The following RNF170 variants were observed in gnomAD, a reference collection of about 807,000 sequenced individuals.
RNF170 encodes E3 ubiquitin-protein ligase RNF170.
In RNF170, 12 loss-of-function variants were observed where a neutral mutation model predicts 32.7. The ratio of observed to expected loss-of-function variants is 0.37; its 90% CI spans 0.24 to 0.60. The LOEUF (loss-of-function observed/expected upper bound fraction) is 0.60, where lower values mean the gene tolerates loss of function less well. RNF170 is among the 20% of genes least tolerant of loss of function. The pLI, the probability that RNF170 is intolerant of heterozygous loss-of-function variation, is 0.72. For synonymous variants in RNF170, 91 were observed against 103.6 expected (o/e 0.88, Z 0.74); for missense variants, 212 against 311.2 (o/e 0.68, Z 2.40).
chr8:42,896,018 T>A (rs759459797), intron 1 of RNF170, among the ~76,000 whole-genome samples: 1 of 152,194 alleles, frequency 6.6e-6, no homozygotes, highest in Non-Finnish European at 1.5e-5. Flanking sequence ...TAAAAATTTA[T>A]CGGCAGCCCA....
intron 4 of RNF170, 114 bp downstream of exon 4, chr8:42,869,890 C>G (rs1041687040): frequency 8.1e-6 from 6 of 743,838 alleles, no homozygotes; most frequent in Non-Finnish European, 1.5e-5. Context: ...GGTAATCTAC[C>G]CTACTCACAA....
intron 2 of RNF170, among the ~76,000 whole-genome samples, chr8:42,886,839 G>A (rs1352253961): frequency 6.6e-6 from 1 of 152,168 alleles, no homozygotes; most frequent in African/African-American, 2.4e-5. Context: ...CTGGGGCAAT[G>A]TAGCGAGACC....
chr8:42,862,890 G>A (rs1360450422), intron 5 of RNF170, among the ~76,000 whole-genome samples: 1 of 152,216 alleles, frequency 6.6e-6, no homozygotes, highest in Non-Finnish European at 1.5e-5. Flanking sequence ...CAAGGAAAGG[G>A]GAGGAAGACC....
intron 6 of RNF170, among the ~76,000 whole-genome samples, chr8:42,860,516 G>A (rs1415248797): frequency 6.6e-6 from 1 of 151,536 alleles, no homozygotes; most frequent in East Asian, 1.9e-4. Context: ...TCTGCCTCCC[G>A]GGTTCAAGTG....
chr8:42,885,108 T>A (rs993135657), intron 2 of RNF170, among the ~76,000 whole-genome samples: 4 of 151,742 alleles, frequency 2.6e-5, no homozygotes, highest in Non-Finnish European at 5.9e-5. Flanking sequence ...AATTCAAATG[T>A]TTTATATTTT....
intron 4 of RNF170, among the ~76,000 whole-genome samples, chr8:42,866,983 C>T (rs957196621): frequency 6.6e-6 from 1 of 152,226 alleles, no homozygotes; most frequent in African/African-American, 2.4e-5. Flanking sequence ...GGTGTCCCTT[C>T]TCCCTCCACG....
chr8:42,881,176 C>A (rs895082648), intron 2 of RNF170: 1 of 151,976 alleles, frequency 6.6e-6, no homozygotes, highest in African/African-American at 2.4e-5. Context: ...AGTAAACAAC[C>A]CGATTCAAAA....
intron 2 of RNF170, among the ~76,000 whole-genome samples, chr8:42,883,570 G>GAAAAA (rs34475440): frequency 9.1e-5 from 4 of 43,752 alleles, no homozygotes; most frequent in Non-Finnish European, 1.6e-4. Context: ...CTCTGTCTCA[G>GAAAAA]AAAAAAAAAA....
intron 2 of RNF170, among the ~76,000 whole-genome samples, chr8:42,880,513 T>C (rs1283683102): frequency 6.6e-6 from 1 of 152,242 alleles, no homozygotes; most frequent in Non-Finnish European, 1.5e-5. Flanking sequence ...GGCTCATGCC[T>C]GTAATCCCAG....
chr8:42,851,176 C>T (rs987900226), downstream of RNF170, among the ~76,000 whole-genome samples: 1 of 152,110 alleles, frequency 6.6e-6, no homozygotes, highest in Non-Finnish European at 1.5e-5. Context: ...CAGAACTCTC[C>T]TTGGACTGCG....
intron 3 of RNF170, among the ~76,000 whole-genome samples, chr8:42,872,437 G>A (rs1469169247): frequency 1.3e-5 from 2 of 152,182 alleles, no homozygotes; most frequent in African/African-American, 4.8e-5. Flanking sequence ...ACTACTAATA[G>A]GCTTAAACTA....
At position 42,854,011 on chromosome 8, in the gene RNF170, G is replaced by A. The variant is rs1803053304; in HGVS notation, c.*2148C>T. ...ACATCACCATTCCCCCACACCAAAT[G>A]TGTAATTGGTAGGAAATGCATTTCC... On this transcript the variant is annotated 3_prime_UTR_variant, in exon 7 of 7. Transcript: ENST00000527424. 3.1e-6 allele frequency: 4 copies of A among 1,286,834 alleles called. No individual in the cohort carries two copies. The highest frequency in any genetic ancestry group is 4.0e-6 in the Non-Finnish European group (4 of 988,356). 79.7% of individuals were successfully genotyped at this position (1,286,834 alleles called of 1,614,324 possible). A position where few individuals can be genotyped will look rare whatever the true frequency, so the allele number is the denominator to read the frequency against.
At chr8:42,868,501 G>A (rs1804283711) in intron 4 of RNF170, among the ~76,000 whole-genome samples, 2 of 152,158 alleles carry the variant, frequency 1.3e-5, no homozygotes, top group Admixed American at 6.5e-5. Context: ...ACTATTGTAT[G>A]AACCACTAAT....
At chr8:42,858,127 A>C (rs1803379924) in intron 6 of RNF170, among the ~76,000 whole-genome samples, 1 of 152,172 alleles carries the variant, frequency 6.6e-6, no homozygotes, top group African/African-American at 2.4e-5. Context: ...TTTTTAAAGA[A>C]CCATCCTACT....
At chr8:42,892,241 T>G (rs1313197343) in intron 1 of RNF170, among the ~76,000 whole-genome samples, 1 of 152,212 alleles carries the variant, frequency 6.6e-6, no homozygotes, top group African/African-American at 2.4e-5. Context: ...TGGAGTGCAG[T>G]GGTGCACCCT....
chr8:42,888,452 AC>A (rs923599029), intron 1 of RNF170, among the ~76,000 whole-genome samples: 40 of 151,342 alleles, frequency 2.6e-4, no homozygotes, highest in Non-Finnish European at 1.3e-4. Flanking sequence ...TTCAAGCTTA[AC>A]CCCTTTAAAA....
intron 1 of RNF170, chr8:42,896,202 C>G (rs970158651): frequency 2.4e-5 from 7 of 291,442 alleles, no homozygotes; most frequent in African/African-American, 1.7e-4. Context: ...CAGGGTCACG[C>G]TCCGAGCGAC....
downstream of RNF170, among the ~76,000 whole-genome samples, chr8:42,851,743 A>AT (rs1349290145): frequency 4.0e-4 from 4 of 9,962 alleles, no homozygotes; most frequent in East Asian, 0.012. Flanking sequence ...GGCCCAAGTG[A>AT]TCCTCCCACT....
At chr8:42,876,824 T>C (rs1467093826) in intron 2 of RNF170, among the ~76,000 whole-genome samples, 1 of 152,004 alleles carries the variant, frequency 6.6e-6, no homozygotes, top group Non-Finnish European at 1.5e-5. Context: ...CACACCCTAA[T>C]TTTTGTATTT....
Sources: gnomAD v4.1 joint callset for allele counts (sites outside exome capture counted in the v4.1 genomes callset) on GRCh38, gnomAD v4.1.1 for gene constraint, MANE v1.5 for transcripts, NCBI Gene and HGNC (gene_info 2026-07-23, HGNC 2026-07-21) for gene names.